PPP3CA: variants seen among roughly 807,000 people sequenced by gnomAD.
The protein encoded by PPP3CA is protein phosphatase 3 catalytic subunit alpha, also known as CAM-PRP catalytic subunit.
Under a neutral mutation model 66.5 loss-of-function variants are expected in PPP3CA, and 14 were observed. The ratio of observed to expected loss-of-function variants is 0.21; its 90% confidence interval spans 0.14 to 0.33. The LOEUF is 0.33. Among genes scored for constraint, PPP3CA ranks in the 10% least tolerant of loss-of-function variants. The pLI, the probability that PPP3CA is intolerant of heterozygous loss-of-function variation, is 1.00. For synonymous variants in PPP3CA, 232 were observed against 226.2 expected, an observed-to-expected ratio of 1.03 and a Z score of -0.23; for missense variants, 317 against 639.5, an observed-to-expected ratio of 0.50 and a Z score of 5.44.
chr4:101,272,931 A>T (rs1456511369), intron 1 of PPP3CA, among the ~76,000 whole-genome samples: 1 of 152,222 alleles, frequency 6.6e-6, no homozygotes, highest in Non-Finnish European at 1.5e-5. Flanking sequence ...CCCAGGTAAG[A>T]ACGAAAAGCT....
intron 1 of PPP3CA, among the ~76,000 whole-genome samples, chr4:101,331,286 C>T (rs1729377544): frequency 6.6e-6 from 1 of 152,074 alleles, no homozygotes; most frequent in African/African-American, 2.4e-5. Flanking sequence ...AGGTAATATA[C>T]ATGCAAGGCA....
chr4:101,167,018 T>A (rs1723714837), intron 2 of PPP3CA, among the ~76,000 whole-genome samples: 1 of 152,208 alleles, frequency 6.6e-6, no homozygotes, highest in African/African-American at 2.4e-5. Context: ...TTGATCTGAA[T>A]TCAGAAGAAA....
At chr4:101,200,871 G>T (rs778930207) in intron 1 of PPP3CA, among the ~76,000 whole-genome samples, 3 of 152,028 alleles carry the variant, frequency 2.0e-5, no homozygotes, top group Non-Finnish European at 2.9e-5. Context: ...TAACACTAAG[G>T]TCTCCTGATT....
Position 101,023,580 on chromosome 4 carries a change from C to T in PPP3CA, c.*2285G>A, listed in dbSNP as rs1294110865. 1 of 152,434 alleles carries T rather than the reference C, an allele frequency of 6.6e-6. No homozygotes were observed. Among genetic ancestry groups the T allele is most frequent in the Admixed American group, 6.5e-5 (1 of 15,282 alleles). 9.4% of individuals were successfully genotyped at this position (152,434 alleles called of 1,614,324 possible). A position where few individuals can be genotyped will look rare whatever the true frequency, so the allele number is the denominator to read the frequency against. ...AATAAACACCATGATACCAGAATCA[C>T]CATTTCTTTCACATCATCACTCTAG... On this transcript the variant is annotated 3_prime_UTR_variant, in exon 14 of 14. Transcript: ENST00000394854.
At chr4:101,063,135 T>G in intron 9 of PPP3CA, 97 bp downstream of exon 9, 2 of 1,402,030 alleles carry the variant, frequency 1.4e-6, no homozygotes, top group Non-Finnish European at 1.9e-6. Context: ...TGAATTTTAT[T>G]GGCTGGGCCA....
intron 2 of PPP3CA, among the ~76,000 whole-genome samples, chr4:101,151,686 T>C (rs1343809134): frequency 7.9e-6 from 1 of 127,388 alleles, no homozygotes; most frequent in African/African-American, 3.1e-5. Flanking sequence ...AGATAGAGTG[T>C]TGCTCTGTTG....
intron 2 of PPP3CA, among the ~76,000 whole-genome samples, chr4:101,186,327 T>A (rs984817306): frequency 1.3e-5 from 2 of 152,180 alleles, no homozygotes; most frequent in Non-Finnish European, 2.9e-5. Flanking sequence ...GAAAGCAATC[T>A]AAAGTTGCAT....
rs1730298422 is a variant in PPP3CA, at chr4:101,098,485, T to C, written c.524A>G (p.Tyr175Cys). ...ECKIKYSERV[Y>C]DACMDAFDCL... ...GTCAAAGGCATCCATACAGGCATCA[T>C]ATACGCGTTCTGAATACTTTATTTT... The change falls in exon 5 of 14, where the codon TAT becomes TGT. Residue 175 changes from tyrosine (Y) to cysteine (C), a missense_variant. Coordinates refer to ENST00000394854, the MANE Select transcript of PPP3CA (RefSeq NM_000944.5). 1.2e-6 allele frequency: 2 copies of C among 1,610,106 alleles called. No individual in the cohort carries two copies. The highest frequency in any genetic ancestry group is 8.5e-7 in the Non-Finnish European group (1 of 1,177,914).
At chr4:101,311,628 T>C (rs1261255202) in intron 1 of PPP3CA, among the ~76,000 whole-genome samples, 1 of 151,884 alleles carries the variant, frequency 6.6e-6, no homozygotes, top group Non-Finnish European at 1.5e-5. Context: ...AAAAGTAAAA[T>C]AATTAGCCAG....
At chr4:101,131,693 A>C (rs1430041972) in intron 2 of PPP3CA, among the ~76,000 whole-genome samples, 1 of 152,164 alleles carries the variant, frequency 6.6e-6, no homozygotes, top group Non-Finnish European at 1.5e-5. Flanking sequence ...AGACAGATTA[A>C]TGAGACAGAA....
chr4:101,030,494 C>T (rs1279109066), intron 12 of PPP3CA, among the ~76,000 whole-genome samples: 1 of 149,836 alleles, frequency 6.7e-6, no homozygotes, highest in African/African-American at 2.5e-5. Flanking sequence ...AGTAAGTTTT[C>T]AAACCCATAT....
At chr4:101,141,977 T>C (rs1242570558) in intron 2 of PPP3CA, among the ~76,000 whole-genome samples, 1 of 151,046 alleles carries the variant, frequency 6.6e-6, no homozygotes, top group Non-Finnish European at 1.5e-5. Flanking sequence ...AACATTAGCA[T>C]GTCAATGGAG....
chr4:101,059,542 T>C (rs1214940698), intron 10 of PPP3CA, among the ~76,000 whole-genome samples: 1 of 152,158 alleles, frequency 6.6e-6, no homozygotes, highest in Non-Finnish European at 1.5e-5. Flanking sequence ...TTTATTATAC[T>C]TTTGCCTGCA....
At chr4:101,301,578 T>C (rs571345288) in intron 1 of PPP3CA, among the ~76,000 whole-genome samples, 2 of 148,036 alleles carry the variant, frequency 1.4e-5, no homozygotes, top group South Asian at 4.2e-4. Context: ...CCTCAACCTC[T>C]GCCTCCCAGG....
chr4:101,289,465 A>T (rs1173611901), intron 1 of PPP3CA, among the ~76,000 whole-genome samples: 1 of 152,220 alleles, frequency 6.6e-6, no homozygotes, highest in Non-Finnish European at 1.5e-5. Context: ...GTAGACTATT[A>T]TGATTTCCGC....
At chr4:101,114,134 T>C (rs1721767487) in intron 2 of PPP3CA, among the ~76,000 whole-genome samples, 1 of 152,074 alleles carries the variant, frequency 6.6e-6, no homozygotes, top group Admixed American at 6.6e-5. Flanking sequence ...AGATGCACAA[T>C]ACAAGTATTT....
At chr4:101,250,421 T>C (rs1726637471) in intron 1 of PPP3CA, 2 of 451,922 alleles carry the variant, frequency 4.4e-6, no homozygotes, top group Non-Finnish European at 4.4e-6. Flanking sequence ...GCCATAAGAA[T>C]ATATTTAATA....
intron 2 of PPP3CA, among the ~76,000 whole-genome samples, chr4:101,191,339 A>G (rs1724596127): frequency 1.3e-5 from 2 of 152,224 alleles, no homozygotes; most frequent in East Asian, 3.8e-4. Flanking sequence ...GCAAGACCAG[A>G]GGTGAACAGA....
intron 3 of PPP3CA, among the ~76,000 whole-genome samples, chr4:101,103,316 G>A (rs1271921077): frequency 6.6e-6 from 1 of 152,130 alleles, no homozygotes; most frequent in Non-Finnish European, 1.5e-5. Flanking sequence ...CAAAAGTGCT[G>A]CCTCTCGATC....
Sources: allele counts gnomAD v4.1 joint callset (sites outside exome capture counted in the v4.1 genomes callset), GRCh38; gene constraint gnomAD v4.1.1; transcripts MANE v1.5; gene names NCBI Gene and HGNC (gene_info 2026-07-23, HGNC 2026-07-21).